ADAMTS2: variants seen among roughly 807,000 people sequenced by gnomAD.
ADAMTS2 encodes the protein ADAM metallopeptidase with thrombospondin type 1 motif 2.
In ADAMTS2, 50 loss-of-function variants were observed where a neutral mutation model predicts 123.0. The ratio of observed to expected loss-of-function variants is 0.41; its 90% confidence interval spans 0.32 to 0.51. The LOEUF (loss-of-function observed/expected upper bound fraction) is 0.51. Ranked by LOEUF, ADAMTS2 falls within the 20% of genes least tolerant of loss-of-function variation. The pLI is 0.35. For synonymous variants in ADAMTS2, 678 were observed against 695.4 expected (o/e 0.98, Z 0.39); for missense variants, 1,494 against 1,705.2 (o/e 0.88, Z 2.18).
At chr5:179,138,223 C>T (rs186447325) in intron 11 of ADAMTS2, among the ~76,000 whole-genome samples, 210 of 152,286 alleles carry the variant, frequency 1.4e-3, no homozygotes, top group Admixed American at 1.7e-3. Context: ...TGCTCACAGC[C>T]CTGGTGCCAC....
intron 3 of ADAMTS2, among the ~76,000 whole-genome samples, chr5:179,209,596 A>G (rs867678039): frequency 6.8e-6 from 1 of 146,756 alleles, no homozygotes; most frequent in South Asian, 2.1e-4. Flanking sequence ...ACACACAGGC[A>G]CACACACATG....
chr5:179,118,775 A>C lies in ADAMTS2; in HGVS notation c.3178+2886T>G, dbSNP rs1312632029. Among the ~76,000 whole-genome samples the C allele has an allele frequency of 6.6e-6, 1 of 152,216 alleles. No individual in the cohort carries two copies. The highest frequency in any genetic ancestry group is 2.4e-5 in the African/African-American group (1 of 41,460). ...TCCTGCCTGCCAAGCTCTGAGCTGA[A>C]GGGAAATGAGCAAATGTGAGACAGG... On this transcript the variant is annotated intron_variant, in intron 21 of 21. Transcript: ENST00000251582. This position sits in a 1 kb window ranked among gnomAD's most constrained non-coding sequence, Gnocchi z 4.5.
chr5:179,272,836 T>A lies in ADAMTS2; in HGVS notation c.688+75A>T. 6.5e-7 allele frequency: 1 copy of A among 1,549,044 alleles called. No individual in the cohort carries two copies. Among genetic ancestry groups the A allele is most frequent in the Non-Finnish European group, 8.7e-7 (1 of 1,149,116 alleles). ...GCTGGTCTGTGGAGAGCTGCCTGAG[T>A]CTCTGGGATGCTCCCCTGGGGACCA... is the stretch of plus-strand genomic sequence containing the variant. On this transcript the variant is annotated intron_variant, in intron 3 of 21. Coordinates refer to ENST00000251582, the MANE Select transcript of ADAMTS2 (RefSeq NM_014244.5). The surrounding 1 kb of genome is among the most constrained non-coding windows in gnomAD (Gnocchi z 5.8).
chr5:179,229,032 G>A (rs975469634), intron 3 of ADAMTS2, among the ~76,000 whole-genome samples: 4 of 151,940 alleles, frequency 2.6e-5, no homozygotes, highest in Non-Finnish European at 4.4e-5. Flanking sequence ...TGTGCACCTC[G>A]GTCAGGCACC....
Position 179,160,151 on chromosome 5 carries a change from T to C in ADAMTS2, c.976-1272A>G, listed in dbSNP as rs768824629. 2.0e-5 allele frequency among the ~76,000 whole-genome samples: 3 copies of C among 152,226 alleles called. No individual in the cohort carries two copies. In the East Asian group the frequency reaches 5.8e-4, roughly 29 times the overall value. On this transcript the variant is annotated intron_variant, in intron 5 of 21. Transcript: ENST00000251582. ...CACAAAGTAGAGCCACGTATTTCTC[T>C]TTGTGTCTATAAATAACAAAAAGTT...
At chr5:179,220,628 C>T (rs1182205793) in intron 3 of ADAMTS2, among the ~76,000 whole-genome samples, 1 of 152,168 alleles carries the variant, frequency 6.6e-6, no homozygotes, top group East Asian at 1.9e-4. Context: ...GCTCCCTCCT[C>T]ACTCCTCAGG....
intron 2 of ADAMTS2, among the ~76,000 whole-genome samples, chr5:179,311,063 G>A (rs1045965751): frequency 1.3e-5 from 2 of 148,920 alleles, no homozygotes; most frequent in African/African-American, 5.0e-5. Context: ...CCGAGTGCAG[G>A]GCCCGTTGAC....
In ADAMTS2 at chr5:179,197,880, C is replaced by T. The variant is rs901237489; in HGVS notation, c.891+9633G>A. ...GAGCTGCCTCCTAGCATGGCAGCCT[C>T]GCCTGTCAGGCCCAAGCCCACTCTT... On this transcript the variant is annotated intron_variant, in intron 4 of 21. Transcript: ENST00000251582. The surrounding 1 kb of genome is among the most constrained non-coding windows in gnomAD (Gnocchi z 4.2). Among the ~76,000 whole-genome samples the T allele has an allele frequency of 6.6e-6, 1 of 152,124 alleles. No individual in the cohort carries two copies.
intron 9 of ADAMTS2, among the ~76,000 whole-genome samples, 172 bp downstream of exon 9, chr5:179,153,319 G>A (rs754008406): frequency 4.6e-5 from 7 of 152,254 alleles, no homozygotes; most frequent in Non-Finnish European, 8.8e-5. Context: ...GTGGGCTCAG[G>A]GTGCCTAGGG....
At chr5:179,269,761 T>C (rs1766478877) in intron 3 of ADAMTS2, among the ~76,000 whole-genome samples, 1 of 152,122 alleles carries the variant, frequency 6.6e-6, no homozygotes. Flanking sequence ...GGGTGCCCTG[T>C]CCCTGTACCC....
intron 3 of ADAMTS2, among the ~76,000 whole-genome samples, chr5:179,209,888 G>T (rs566853089): frequency 6.6e-6 from 1 of 152,332 alleles, no homozygotes; most frequent in South Asian, 2.1e-4. Context: ...AATTTCCATA[G>T]GAAAACTCTT....
intron 2 of ADAMTS2, among the ~76,000 whole-genome samples, chr5:179,311,483 T>G (rs1756831057): frequency 6.6e-6 from 1 of 152,158 alleles, no homozygotes; most frequent in South Asian, 2.1e-4. Flanking sequence ...TGACAGGGAC[T>G]CTCCTGCTTG....
chr5:179,207,474 C>CAACCCCCCCCCCCCCACCCCCCCA, intron 4 of ADAMTS2, 39 bp downstream of exon 4: 1 of 927,312 alleles, frequency 1.1e-6, no homozygotes, highest in Non-Finnish European at 1.8e-6. Flanking sequence ...CTGGTTGACC[C>CAACCCCCCCCCCCCCACCCCCCCA]TCCCCGCCCC....
Position 179,122,720 on chromosome 5 carries a change from G to C in ADAMTS2, c.3012C>G (p.Thr1004=), listed in dbSNP as rs571054777. 33 of 1,552,570 alleles carry C rather than the reference G, an allele frequency of 2.1e-5. No individual in the cohort carries two copies. The highest frequency in any genetic ancestry group is 2.9e-5 in the Non-Finnish European group (33 of 1,148,182). Residue 1004 remains threonine (T), a synonymous_variant, in exon 20 of 22, where the codon ACC becomes ACG. Coordinates refer to ENST00000251582, the MANE Select transcript of ADAMTS2 (RefSeq NM_014244.5). Reference sequence around the variant, plus strand: ...GGCAGATGCCGAAGCTGTCGTCCGCGGTGCGGCAGAGCACTGGCCGCTCCT... The same window carrying C: ...GGCAGATGCCGAAGCTGTCGTCCGCCGTGCGGCAGAGCACTGGCCGCTCCT... The part of the protein sequence containing the change: ...GTQERPVLCR[T]ADDSFGICQE...
intron 2 of ADAMTS2, among the ~76,000 whole-genome samples, chr5:179,283,789 G>A (rs1484449678): frequency 6.6e-6 from 1 of 151,478 alleles, no homozygotes; most frequent in African/African-American, 2.4e-5. Context: ...TACTCAGGAG[G>A]CTGAGGCGGG....
At chr5:179,329,192 T>G (rs1246768514) in intron 2 of ADAMTS2, among the ~76,000 whole-genome samples, 1 of 151,968 alleles carries the variant, frequency 6.6e-6, no homozygotes, top group Non-Finnish European at 1.5e-5. Flanking sequence ...CCGGGTGTGG[T>G]GGCGGGCGCC....
At chr5:179,156,560 A>G (rs1295502398) in intron 6 of ADAMTS2, among the ~76,000 whole-genome samples, 3 of 151,994 alleles carry the variant, frequency 2.0e-5, no homozygotes, top group East Asian at 1.9e-4. Context: ...GGATTTCACC[A>G]TGTTAGCCAG....
intron 4 of ADAMTS2, among the ~76,000 whole-genome samples, chr5:179,204,993 G>T (rs538663770): frequency 6.6e-6 from 1 of 152,252 alleles, no homozygotes; most frequent in African/African-American, 2.4e-5. Flanking sequence ...CTCCTAAAAC[G>T]GTTTCTCTGT....
intron 19 of ADAMTS2, among the ~76,000 whole-genome samples, chr5:179,123,232 C>T (rs1286005695): frequency 6.6e-6 from 1 of 152,182 alleles, no homozygotes; most frequent in Non-Finnish European, 1.5e-5. Context: ...GCTCCTCCAG[C>T]CCCCAGCACC....
Sources: gnomAD v4.1 joint callset for allele counts (sites outside exome capture counted in the v4.1 genomes callset) on GRCh38, gnomAD v4.1.1 for gene constraint, Gnocchi (gnomAD v3.1) non-coding constraint, MANE v1.5 for transcripts, NCBI Gene and HGNC (gene_info 2026-07-23, HGNC 2026-07-21) for gene names.